HAUS6: variants seen among roughly 807,000 people sequenced by gnomAD.
HAUS6 encodes HAUS augmin like complex subunit 6.
A neutral mutation model predicts 106.8 loss-of-function variants in HAUS6; 80 were observed. That is an observed-to-expected ratio of 0.75 (90% CI 0.63 to 0.90). The LOEUF is 0.90. HAUS6 is among the 40% of genes least tolerant of loss of function. HAUS6 has a pLI of 0.00. For synonymous variants in HAUS6, 356 were observed against 379.1 expected (o/e 0.94, Z 0.71); for missense variants, 1,155 against 1,118.1 (o/e 1.03, Z -0.47).
At chr9:19,080,728 ATTACATAAAAATATTTATGTTTT>A in intron 8 of HAUS6, 56 bp from the exon 9 acceptor site, 1 of 930,098 alleles carries the variant, frequency 1.1e-6, no homozygotes, top group Non-Finnish European at 1.7e-6. Context: ...ACAACAAACT[ATTACATAAAAATATTTATGTTTT>A]TTACTATTAA....
At chr9:19,101,312 G>C (rs1373973309) in intron 1 of HAUS6, among the ~76,000 whole-genome samples, 8 of 152,070 alleles carry the variant, frequency 5.3e-5, no homozygotes. Flanking sequence ...CTGGAGGCCA[G>C]GAGCTCAAGA....
chr9:19,058,089 T>G lies in HAUS6; in HGVS notation c.2678A>C (p.Lys893Thr). Residue 893 changes from lysine (K) to threonine (T), a missense_variant, in exon 16 of 17, where the codon AAG (lysine) becomes ACG (threonine). Around this residue, in one of 3 missense-constraint regions of HAUS6, gnomAD observed 380 missense variants for 394.8 expected, o/e 0.96. Coordinates refer to ENST00000380502, the MANE Select transcript of HAUS6 (RefSeq NM_017645.5). ...DTCDLHTEHIKPSLRTSIGER... is the reference protein window; with the variant it reads ...DTCDLHTEHITPSLRTSIGER... ...ACCGATGGACGTGCGTAAAGATGGC[T>G]TTATATGCTCAGTATGCAAATCACA... 6.2e-7 allele frequency: 1 copy of G among 1,614,182 alleles called. No individual in the cohort carries two copies. The highest frequency in any genetic ancestry group is 1.1e-5 in the South Asian group (1 of 91,084).
rs1451755368 is a variant in HAUS6 at position 19,055,243 on chromosome 9, C to T, written c.*1100G>A. ...TTTGATGGTAGTGAGATGGGGTCTA[C>T]AAAGGGTATTGTAGGTACTATCACC... On this transcript the variant is annotated 3_prime_UTR_variant, in exon 17 of 17. Transcript: ENST00000380502. The T allele has an allele frequency of 6.6e-6, 1 of 152,170 alleles. No individual in the cohort carries two copies. Among genetic ancestry groups the T allele is most frequent in the East Asian group, 1.9e-4 (1 of 5,198 alleles). 9.4% of individuals were successfully genotyped at this position (152,170 alleles called of 1,614,324 possible).
Position 19,094,433 on chromosome 9 carries a change from A to C in HAUS6, c.225-38T>G, listed in dbSNP as rs765436372. 1.3e-5 allele frequency: 15 copies of C among 1,142,962 alleles called. No homozygotes were observed. The South Asian group carries it at 1.7e-4, about 13-fold the overall frequency. 70.8% of individuals were successfully genotyped at this position (1,142,962 alleles called of 1,614,324 possible). The stretch of plus-strand genomic sequence containing the variant: ...AATAAAAGCGTAAGGACTATGCACA[A>C]CAATAGCCAAAAAAAAAAGCCTCAG... On this transcript the variant is annotated intron_variant, in intron 2 of 16. Coordinates refer to ENST00000380502, the MANE Select transcript of HAUS6 (RefSeq NM_017645.5).
rs372844925 is a variant in HAUS6 at position 19,056,357 on chromosome 9, C to T, written c.2854G>A (p.Asp952Asn). Reference sequence around the variant, plus strand: ...TGGGTACGTCTTCATCTTGTCAAGTCAGACGGTGGTTCTTTTGCATCAAGG... The same window carrying T: ...TGGGTACGTCTTCATCTTGTCAAGTTAGACGGTGGTTCTTTTGCATCAAGG... ...KSLDAKEPPS[D>N]LTR Residue 952 changes from aspartate (D) to asparagine (N), a missense_variant, in exon 17 of 17, where the codon GAC becomes AAC. Asp to Asn is a conservative substitution (Grantham distance 23). This residue lies in a region of HAUS6 where 380 missense variants were observed against 394.8 expected (regional missense o/e 0.96). Transcript: ENST00000380502. 3.3e-6 allele frequency: 5 copies of T among 1,523,702 alleles called. No homozygotes were observed. 94.4% of individuals were successfully genotyped at this position (1,523,702 alleles called of 1,614,324 possible).
At chr9:19,089,011 G>A (rs955497469) in intron 5 of HAUS6, among the ~76,000 whole-genome samples, 8 of 151,776 alleles carry the variant, frequency 5.3e-5, no homozygotes, top group Non-Finnish European at 1.2e-4. Context: ...GGGAGGCTGA[G>A]ATGGGCAGAA....
chr9:19,066,830 CAAAAAAAAA>C (rs71333078), intron 12 of HAUS6, among the ~76,000 whole-genome samples: 1 of 82,100 alleles, frequency 1.2e-5, no homozygotes, highest in Non-Finnish European at 2.5e-5. Flanking sequence ...CTCATCTCTA[CAAAAAAAAA>C]AAAAAAAAAA....
intron 4 of HAUS6, among the ~76,000 whole-genome samples, chr9:19,091,242 G>A (rs1243485982): frequency 3.3e-5 from 5 of 151,754 alleles, no homozygotes; most frequent in South Asian, 4.1e-4. Context: ...GGATGTTGCA[G>A]TAAGCCGAGA....
chr9:19,080,193 A>C (rs1837109854), intron 9 of HAUS6, among the ~76,000 whole-genome samples: 1 of 151,382 alleles, frequency 6.6e-6, no homozygotes. Context: ...AAAAAAAAAA[A>C]AAAAAACTTT....
intron 10 of HAUS6, among the ~76,000 whole-genome samples, chr9:19,076,915 C>T (rs1039029623): frequency 2.0e-5 from 3 of 152,206 alleles, no homozygotes; most frequent in African/African-American, 7.2e-5. Flanking sequence ...ATTATCATAG[C>T]TCACTGCAGC....
At position 19,062,984 on chromosome 9, in the gene HAUS6, A is replaced by C. The variant is rs766395949; in HGVS notation, c.1629+24T>G. 2.9e-5 allele frequency: 44 copies of C among 1,532,946 alleles called. No individual in the cohort carries two copies. The South Asian group carries it at 4.3e-4, about 15-fold the overall frequency. The allele number at this position is 1,532,946 out of a possible 1,614,324, so 95.0% of individuals were successfully genotyped here. ...CCCATCCAATAACTGATATTTAAGT[A>C]TACTCATTACAGTCTTTTCTCACCT... On this transcript the variant is annotated intron_variant, in intron 14 of 16. Transcript: ENST00000380502.
chr9:19,062,907 C>T, intron 14 of HAUS6, 101 bp downstream of exon 14: 2 of 849,736 alleles, frequency 2.4e-6, no homozygotes, highest in Non-Finnish European at 3.8e-6. Flanking sequence ...CTCAAATGTT[C>T]CTCTTGCCGA....
intron 7 of HAUS6, among the ~76,000 whole-genome samples, chr9:19,085,529 T>C (rs1018747859): frequency 2.0e-5 from 3 of 151,352 alleles, no homozygotes; most frequent in South Asian, 4.2e-4. Flanking sequence ...CAGGTGACAA[T>C]GTGCCTTGGA....
Position 19,063,555 on chromosome 9 carries a change from C to A in HAUS6, c.1402G>T (p.Val468Phe), listed in dbSNP as rs371188147. 7.0e-5 allele frequency: 112 copies of A among 1,607,172 alleles called. No individual in the cohort carries two copies. The highest frequency in any genetic ancestry group is 8.4e-5 in the Non-Finnish European group (99 of 1,173,818). ...ACACTGTTTCTATCTGATGATGAAA[C>A]TGACTGCGACAAGAAAGAGGCAGGG... ...NSPASFLSQSVSSSDRNSVTV... is the reference protein window; with the variant it reads ...NSPASFLSQSFSSSDRNSVTV... Residue 468 changes from valine to phenylalanine, a missense_variant, in exon 13 of 17, where the codon GTT becomes TTT. By Grantham distance (50) the Val-to-Phe change is conservative. Coordinates refer to ENST00000380502, the MANE Select transcript of HAUS6 (RefSeq NM_017645.5).
At chr9:19,092,373 T>C (rs1474848868) in intron 4 of HAUS6, among the ~76,000 whole-genome samples, 4 of 151,574 alleles carry the variant, frequency 2.6e-5, no homozygotes, top group Admixed American at 6.6e-5. Flanking sequence ...CCTAACACTT[T>C]GGGAGGCCGA....
chr9:19,070,345 A>T (rs745993443), intron 11 of HAUS6, 45 bp from the exon 12 acceptor site: 1 of 1,018,356 alleles, frequency 9.8e-7, no homozygotes, highest in Non-Finnish European at 1.5e-6. Context: ...ATGTTTGTAC[A>T]TTCTAACATT....
chr9:19,077,167 TACA>T (rs1180154017), intron 10 of HAUS6, among the ~76,000 whole-genome samples: 1 of 151,992 alleles, frequency 6.6e-6, no homozygotes, highest in Non-Finnish European at 1.5e-5. Flanking sequence ...TAAAGCAGAG[TACA>T]ACATTAGGAG....
chr9:19,060,490 C>A (rs910021020), intron 14 of HAUS6, among the ~76,000 whole-genome samples: 12 of 152,188 alleles, frequency 7.9e-5, no homozygotes, highest in Admixed American at 5.9e-4. Flanking sequence ...AATCTTTATG[C>A]TGGGAAGATT....
chr9:19,096,770 C>T lies in HAUS6; in HGVS notation c.129-1G>A. 1.4e-6 allele frequency: 2 copies of T among 1,429,386 alleles called. No individual in the cohort carries two copies. The highest frequency in any genetic ancestry group is 1.9e-6 in the Non-Finnish European group (2 of 1,050,332). The allele number at this position is 1,429,386 out of a possible 1,614,324, so 88.5% of individuals were successfully genotyped here. On this transcript the variant is annotated splice_acceptor_variant, in intron 1 of 16. Coordinates refer to ENST00000380502, the MANE Select transcript of HAUS6 (RefSeq NM_017645.5). LOFTEE classifies it high-confidence loss of function. Reference sequence around the variant, plus strand: ...ACGGTTCAGCTTGTCAAACATGTTCCTAGTGGTTAAAAATGAAATAGAAAT... The same window carrying T: ...ACGGTTCAGCTTGTCAAACATGTTCTTAGTGGTTAAAAATGAAATAGAAAT...
Sources: gnomAD v4.1 joint callset for allele counts (sites outside exome capture counted in the v4.1 genomes callset) on GRCh38, gnomAD v4.1.1 for gene constraint, gnomAD v4.1.1 regional missense constraint, MANE v1.5 for transcripts, NCBI Gene and HGNC (gene_info 2026-07-23, HGNC 2026-07-21) for gene names.